EBF1: variants seen among roughly 807,000 people sequenced by gnomAD.
EBF1 encodes transcription factor COE1.
A neutral mutation model predicts 68.4 loss-of-function variants in EBF1; 10 were observed. The observed-to-expected ratio is 0.15, with a 90% confidence interval of 0.09 to 0.25. EBF1 has a LOEUF of 0.25. Ranked by LOEUF, EBF1 falls within the 10% of genes least tolerant of loss-of-function variation. EBF1 has a pLI of 1.00. For synonymous variants in EBF1, 298 were observed against 299.8 expected (o/e 0.99, Z 0.06); for missense variants, 509 against 794.4 (o/e 0.64, Z 4.32).
chr5:158,951,155 T>G (rs1424738282), intron 6 of EBF1, among the ~76,000 whole-genome samples: 2 of 152,244 alleles, frequency 1.3e-5, no homozygotes, highest in African/African-American at 4.8e-5. Context: ...TTTTGCATTA[T>G]TTCACTTTTC....
intron 6 of EBF1, among the ~76,000 whole-genome samples, chr5:158,998,695 G>C (rs1030094710): frequency 3.3e-5 from 5 of 152,034 alleles, no homozygotes; most frequent in Non-Finnish European, 7.4e-5. Flanking sequence ...ATTCTAAAAG[G>C]AAACTATATG....
intron 6 of EBF1, among the ~76,000 whole-genome samples, chr5:158,925,237 T>C (rs1809419183): frequency 6.6e-6 from 1 of 152,204 alleles, no homozygotes; most frequent in Non-Finnish European, 1.5e-5. Flanking sequence ...CAACCTGCTT[T>C]ATTTTCCTCA....
chr5:158,889,796 A>G (rs993422004), intron 6 of EBF1, among the ~76,000 whole-genome samples: 1 of 152,210 alleles, frequency 6.6e-6, no homozygotes, highest in Admixed American at 6.5e-5. Context: ...GGTCCTCCTT[A>G]TCTATGGGGT....
chr5:158,984,038 C>A (rs1758457858), intron 6 of EBF1, among the ~76,000 whole-genome samples: 1 of 151,602 alleles, frequency 6.6e-6, no homozygotes, highest in Non-Finnish European at 1.5e-5. Context: ...TATTTGAGTC[C>A]TTTAGTTAGA....
At chr5:159,073,991 C>A (rs933802984) in intron 5 of EBF1, among the ~76,000 whole-genome samples, 1 of 152,164 alleles carries the variant, frequency 6.6e-6, no homozygotes. Flanking sequence ...AATCCTACAG[C>A]TAGGTTTGCT....
intron 6 of EBF1, among the ~76,000 whole-genome samples, chr5:159,071,276 T>G (rs1342935851): frequency 6.6e-6 from 1 of 152,204 alleles, no homozygotes; most frequent in African/African-American, 2.4e-5. Flanking sequence ...CTTGTGCACA[T>G]ACACTGAGTT....
At chr5:158,968,189 C>T (rs575182460) in intron 6 of EBF1, among the ~76,000 whole-genome samples, 12 of 152,200 alleles carry the variant, frequency 7.9e-5, no homozygotes, top group South Asian at 4.2e-4. Context: ...TCAAGCATAG[C>T]GGCTTCCTAA....
At chr5:159,005,449 A>T (rs4921518) in intron 6 of EBF1, among the ~76,000 whole-genome samples, 46,985 of 151,792 alleles carry the variant, frequency 0.31, 8,151 homozygotes, top group South Asian at 0.57. Context: ...ATTCCAAGGG[A>T]CTCTTCCTAT....
At chr5:159,045,208 T>C (rs1039975673) in intron 6 of EBF1, among the ~76,000 whole-genome samples, 18 of 152,282 alleles carry the variant, frequency 1.2e-4, no homozygotes, top group Non-Finnish European at 2.4e-4. Flanking sequence ...TAATTTCTTC[T>C]TTTTTTAATG....
intron 10 of EBF1, among the ~76,000 whole-genome samples, chr5:158,737,039 A>T (rs950361337): frequency 6.6e-6 from 1 of 152,038 alleles, no homozygotes; most frequent in Non-Finnish European, 1.5e-5. Context: ...CCCAACACCA[A>T]ATTCCTTGCA....
intron 7 of EBF1, among the ~76,000 whole-genome samples, chr5:158,836,632 C>A (rs1291205129): frequency 1.3e-5 from 2 of 152,192 alleles, no homozygotes; most frequent in African/African-American, 4.8e-5. Context: ...AATATCCATG[C>A]ACCTGCATGC....
rs541581815 is a variant in EBF1, at chr5:159,035,078, C to T, written c.554+38318G>A. On this transcript the variant is annotated intron_variant, in intron 6 of 15. Coordinates refer to ENST00000313708, the MANE Select transcript of EBF1 (RefSeq NM_024007.5). ...TTTCTCTATTTTTGTGGCCTAATTA[C>T]ATTATTGACTGATTGAAGCCATCAG... 3.9e-5 allele frequency among the ~76,000 whole-genome samples: 6 copies of T among 151,958 alleles called. No individual in the cohort carries two copies. In the South Asian group the frequency reaches 8.3e-4, roughly 21 times the overall value.
rs1478608632 is a variant in EBF1, at chr5:159,050,170, C to G, written c.554+23226G>C. Among the ~76,000 whole-genome samples, 3 of 148,980 alleles carry G rather than the reference C, an allele frequency of 2.0e-5. 1 individual carries two copies. The East Asian group carries it at 5.9e-4, about 29-fold the overall frequency. On this transcript the variant is annotated intron_variant, in intron 6 of 15. Coordinates refer to ENST00000313708, the MANE Select transcript of EBF1 (RefSeq NM_024007.5). The stretch of plus-strand genomic sequence containing the variant: ...TTTCTCTTTCTCTCTCTCTCTCTCT[C>G]TCTCTCTCTCTTCTCTCTTTTCTCT...
In EBF1 at chr5:158,834,800, G is replaced by A. The variant is rs578058567; in HGVS notation, c.636+5229C>T. On this transcript the variant is annotated intron_variant, in intron 7 of 15. Coordinates refer to ENST00000313708, the MANE Select transcript of EBF1 (RefSeq NM_024007.5). ...CCTGATTGCTGTTCAGAGGAGACAC[G>A]CTCCTGCGTTGCTATATGAAGATCA... Among the ~76,000 whole-genome samples the A allele has an allele frequency of 3.0e-3, 451 of 152,292 alleles. 1 individual carries two copies. Among genetic ancestry groups the A allele is most frequent in the Non-Finnish European group, 4.4e-3 (301 of 68,022 alleles).
At chr5:159,077,562 A>C (rs1468031550) in intron 5 of EBF1, among the ~76,000 whole-genome samples, 1 of 152,136 alleles carries the variant, frequency 6.6e-6, no homozygotes, top group Non-Finnish European at 1.5e-5. Context: ...TCTCACCTGA[A>C]TATAAGCCCC....
At chr5:158,954,728 C>T (rs141349082) in intron 6 of EBF1, among the ~76,000 whole-genome samples, 1 of 152,316 alleles carries the variant, frequency 6.6e-6, no homozygotes, top group Non-Finnish European at 1.5e-5. Context: ...GCCCAAGATG[C>T]TAAGATTAGA....
intron 8 of EBF1, among the ~76,000 whole-genome samples, chr5:158,801,231 C>T (rs1780524214): frequency 6.6e-6 from 1 of 152,048 alleles, no homozygotes; most frequent in Admixed American, 6.6e-5. Context: ...TATTAGGTAG[C>T]TCTTCTTTGT....
intron 4 of EBF1, among the ~76,000 whole-genome samples, chr5:159,087,117 G>A (rs1002592582): frequency 3.3e-5 from 5 of 151,514 alleles, no homozygotes; most frequent in Admixed American, 6.6e-5. Flanking sequence ...CTAAATACTC[G>A]TAATAATCTC....
intron 6 of EBF1, among the ~76,000 whole-genome samples, chr5:158,847,724 A>T (rs935677566): frequency 2.0e-5 from 3 of 152,242 alleles, no homozygotes; most frequent in Admixed American, 6.5e-5. Context: ...AATGAGGCAG[A>T]TCACAAAACC....
Sources: gnomAD v4.1 joint callset for allele counts (sites outside exome capture counted in the v4.1 genomes callset) on GRCh38, gnomAD v4.1.1 for gene constraint, MANE v1.5 for transcripts, NCBI Gene and HGNC (gene_info 2026-07-23, HGNC 2026-07-21) for gene names.